Variants in FAM161A observed in about 807,000 individuals in gnomAD.
The protein encoded by FAM161A is FAM161 centrosomal protein A.
Under a neutral mutation model 70.9 loss-of-function variants are expected in FAM161A, and 57 were observed. The observed-to-expected ratio is 0.80, with a 90% confidence interval of 0.65 to 1.00. The LOEUF is 1.00. Among genes scored for constraint, FAM161A ranks in the 50% least tolerant of loss-of-function variants. FAM161A has a pLI of 0.00. For missense variants in FAM161A, 880 were observed against 836.0 expected, an observed-to-expected ratio of 1.05 and a Z score of -0.65; for synonymous variants, 299 against 295.7, an observed-to-expected ratio of 1.01 and a Z score of -0.12.
chr2:61,825,193 C>T lies in FAM161A; in HGVS notation c.*1262G>A, dbSNP rs1376545793. ...TATGCTATATTATCTTTATGATTGG[C>T]TTCAAATTTTAAAACAAAAATTTGC... On this transcript the variant is annotated 3_prime_UTR_variant, in exon 7 of 7. Transcript: ENST00000404929. The T allele has an allele frequency of 6.9e-6, 3 of 435,420 alleles. No homozygotes were observed. The highest frequency in any genetic ancestry group is 2.1e-5 in the African/African-American group (1 of 48,734). The allele number at this position is 435,420 out of a possible 1,614,324, so 27.0% of individuals were successfully genotyped here. A position where few individuals can be genotyped will look rare whatever the true frequency, so the allele number is the denominator to read the frequency against.
intron 1 of FAM161A, among the ~76,000 whole-genome samples, chr2:61,851,320 GATTTT>G (rs1480007177): frequency 6.6e-6 from 1 of 152,002 alleles, no homozygotes; most frequent in East Asian, 1.9e-4. Context: ...TTAGGAGTGA[GATTTT>G]ATTTTTTCTT....
At chr2:61,829,011 C>G (rs1282286702) in intron 5 of FAM161A, among the ~76,000 whole-genome samples, 1 of 152,164 alleles carries the variant, frequency 6.6e-6, no homozygotes, top group Non-Finnish European at 1.5e-5. Flanking sequence ...GTAAAGCAAG[C>G]ATTCCTAATA....
chr2:61,805,273 A>T, the FAM161A span, among the ~76,000 whole-genome samples: 1 of 150,640 alleles, frequency 6.6e-6, no homozygotes, highest in Non-Finnish European at 1.5e-5. Context: ...GCCTTTAAAA[A>T]CTCTTGCCAA....
At position 61,848,058 on chromosome 2, in the gene FAM161A, G is replaced by C. The variant is rs544627946; in HGVS notation, c.184-5698C>G. 2.6e-5 allele frequency among the ~76,000 whole-genome samples: 4 copies of C among 152,206 alleles called. No homozygotes were observed. In the South Asian group the frequency reaches 8.3e-4, roughly 32 times the overall value. On this transcript the variant is annotated intron_variant, in intron 1 of 6. Coordinates refer to ENST00000404929, the MANE Select transcript of FAM161A (RefSeq NM_001201543.2). ...CAAAAACTATAATTAAAACAGGGAGGGTATTTCAAAGAACTGTTTTTAAGC... is the reference window on the plus strand; with the variant it reads ...CAAAAACTATAATTAAAACAGGGAGCGTATTTCAAAGAACTGTTTTTAAGC...
chr2:61,816,939 GT>G, the FAM161A span, among the ~76,000 whole-genome samples: 139 of 152,302 alleles, frequency 9.1e-4, 2 homozygotes, highest in East Asian at 0.025. Flanking sequence ...CATTTTCCAA[GT>G]GGAGTCACAC....
chr2:61,819,975 G>A (rs989054011), downstream of FAM161A, among the ~76,000 whole-genome samples: 3 of 151,816 alleles, frequency 2.0e-5, no homozygotes, highest in African/African-American at 7.3e-5. Flanking sequence ...TTTTGTCTTG[G>A]AAAAAGCATT....
Position 61,827,095 on chromosome 2 carries a change from A to G in FAM161A, c.2006+9T>C. ...AAGGTAAGCCATTCAGACATCTTAT[A>G]TATGTTACCTTTCTTTGTCTTCAGT... On this transcript the variant is annotated intron_variant, in intron 6 of 6. Coordinates refer to ENST00000404929, the MANE Select transcript of FAM161A (RefSeq NM_001201543.2). 2 of 1,613,192 alleles carry G rather than the reference A, an allele frequency of 1.2e-6. No homozygotes were observed. Among genetic ancestry groups the G allele is most frequent in the Middle Eastern group, 1.7e-4 (1 of 6,042 alleles).
the FAM161A span, among the ~76,000 whole-genome samples, chr2:61,816,370 T>A: frequency 2.8e-3 from 431 of 152,280 alleles, 3 homozygotes; most frequent in African/African-American, 9.8e-3. Flanking sequence ...AATCTACAAG[T>A]ATCATCTTGA....
rs757821289 is a variant in FAM161A at position 61,827,243 on chromosome 2, C to T, written c.1867G>A (p.Ala623Thr). ...GTATTAGAATAATGCTTTTCTGCTG[C>T]CATTCTTGCATTTTTCTATAGGAAA... is the stretch of plus-strand genomic sequence containing the variant. ...ERVAQKNARM[A>T]AEKHYSNTLK... Residue 623 changes from alanine to threonine, a missense_variant, in exon 6 of 7, where the codon GCA becomes ACA. By Grantham distance (58) the Ala-to-Thr change is moderately conservative. Transcript: ENST00000404929. 1.9e-6 allele frequency: 3 copies of T among 1,613,204 alleles called. No homozygotes were observed. The East Asian group carries it at 6.7e-5, about 36-fold the overall frequency.
At chr2:61,818,840 A>G in the FAM161A span, among the ~76,000 whole-genome samples, 2 of 152,212 alleles carry the variant, frequency 1.3e-5, no homozygotes, top group African/African-American at 4.8e-5. Context: ...ACACCGTGTC[A>G]AGTATCCCCC....
At chr2:61,802,908 G>A in the FAM161A span, among the ~76,000 whole-genome samples, 2 of 152,208 alleles carry the variant, frequency 1.3e-5, no homozygotes, top group East Asian at 1.9e-4. Flanking sequence ...CAGGCACCTA[G>A]TTAGCCCTGA....
downstream of FAM161A, among the ~76,000 whole-genome samples, chr2:61,821,055 CTTTTTTTT>C (rs557835002): frequency 1.4e-5 from 2 of 143,362 alleles, no homozygotes; most frequent in Non-Finnish European, 3.1e-5. Flanking sequence ...CTTTTTTTTT[CTTTTTTTT>C]TTTTTCTTAG....
At chr2:61,804,788 A>AAGAAAGAAAGAAAGAAAGAAAGAG in the FAM161A span, among the ~76,000 whole-genome samples, 1 of 150,132 alleles carries the variant, frequency 6.7e-6, no homozygotes, top group East Asian at 1.9e-4. Context: ...GAAAGAAAGA[A>AAGAAAGAAAGAAAGAAAGAAAGAG]AGAAAGAAAG....
rs748556339 is a variant in FAM161A, at chr2:61,854,016, T to C, written c.26A>G (p.Lys9Arg). Reference sequence around the variant, plus strand: ...GGTCTGGAGACTGGAGGCCACCAGCTTCGCCACTCGGTGGGAGGTGGCCAT... The same window carrying C: ...GGTCTGGAGACTGGAGGCCACCAGCCTCGCCACTCGGTGGGAGGTGGCCAT... MATSHRVA[K>R]LVASSLQTPV... Residue 9 changes from lysine (K) to arginine (R), a missense_variant, in exon 1 of 7, where the codon AAG becomes AGG. Physicochemically the swap from Lys to Arg is conservative, Grantham distance 26. Coordinates refer to ENST00000404929, the MANE Select transcript of FAM161A (RefSeq NM_001201543.2). 1.9e-6 allele frequency: 3 copies of C among 1,612,106 alleles called. No homozygotes were observed. The highest frequency in any genetic ancestry group is 2.2e-5 in the South Asian group (2 of 90,812).
At chr2:61,802,853 A>T in the FAM161A span, among the ~76,000 whole-genome samples, 3 of 152,292 alleles carry the variant, frequency 2.0e-5, no homozygotes, top group South Asian at 6.2e-4. Context: ...CTTTCTCCAA[A>T]GCATGGAAAT....
At position 61,826,509 on chromosome 2, in the gene FAM161A, T is replaced by C. The variant is rs1672372347; in HGVS notation, c.2097A>G (p.Lys699=). The C allele has an allele frequency of 1.9e-6, 3 of 1,607,256 alleles. No individual in the cohort carries two copies. The highest frequency in any genetic ancestry group is 1.7e-6 in the Non-Finnish European group (2 of 1,175,776). Residue 699 remains lysine, a synonymous_variant, in exon 7 of 7, where the codon AAA becomes AAG. Coordinates refer to ENST00000404929, the MANE Select transcript of FAM161A (RefSeq NM_001201543.2). The part of the protein sequence containing the change: ...DTNSQDSYKE[K]DEANEESEEE... ...CTTCACTTTCCTCATTGGCTTCATC[T>C]TTTTCCTTGTAAGAATCCTGGCTGT...
chr2:61,838,792 T>G (rs1006125426), intron 3 of FAM161A, 87 bp from the exon 4 acceptor site: 1 of 1,027,944 alleles, frequency 9.7e-7, no homozygotes, highest in Admixed American at 3.5e-5. Flanking sequence ...ATTTGAATTT[T>G]GATAATTCAA....
chr2:61,825,425 T>C lies in FAM161A; in HGVS notation c.*1030A>G. 4.4e-6 allele frequency: 2 copies of C among 454,166 alleles called. No homozygotes were observed. The highest frequency in any genetic ancestry group is 8.8e-6 in the Non-Finnish European group (2 of 226,772). 28.1% of individuals were successfully genotyped at this position (454,166 alleles called of 1,614,324 possible). A position where few individuals can be genotyped will look rare whatever the true frequency, so the allele number is the denominator to read the frequency against. On this transcript the variant is annotated 3_prime_UTR_variant, in exon 7 of 7. Transcript: ENST00000404929. ...AAGGGATACTTGCCCCTAATTTAGATTATAACTCACACATGCCATAATTAC... is the reference window on the plus strand; with the variant it reads ...AAGGGATACTTGCCCCTAATTTAGACTATAACTCACACATGCCATAATTAC...
the FAM161A span, among the ~76,000 whole-genome samples, chr2:61,815,920 C>G: frequency 6.6e-6 from 1 of 152,114 alleles, no homozygotes; most frequent in African/African-American, 2.4e-5. Flanking sequence ...CCAATCCTCC[C>G]AACAAAAATA....
Sources: gnomAD v4.1 joint callset for allele counts (sites outside exome capture counted in the v4.1 genomes callset) on GRCh38, gnomAD v4.1.1 for gene constraint, MANE v1.5 for transcripts, NCBI Gene and HGNC (gene_info 2026-07-23, HGNC 2026-07-21) for gene names.